The following AVEN variants were observed in gnomAD, a reference collection of about 807,000 sequenced individuals.
The protein encoded by AVEN is cell death regulator Aven.
AVEN carries 41 observed loss-of-function variants against 38.1 expected under a neutral mutation model. The observed-to-expected ratio is 1.08, with a 90% confidence interval of 0.84 to 1.40. AVEN has a LOEUF of 1.40. Ranked by LOEUF, AVEN falls within the 40% of genes most tolerant of loss-of-function variation. The pLI is 0.00. For missense variants in AVEN, 605 were observed against 438.8 expected, an observed-to-expected ratio of 1.38 and a Z score of -3.38; for synonymous variants, 206 against 171.8, an observed-to-expected ratio of 1.20 and a Z score of -1.56.
At position 33,986,102 on chromosome 15, in the gene AVEN, T is replaced by TC. The variant is rs761633178; in HGVS notation, c.445+16929_445+16930insG. 3.9e-3 allele frequency among the ~76,000 whole-genome samples: 11 copies of TC among 2,794 alleles called. No homozygotes were observed. In the East Asian group the frequency reaches 0.053, roughly 14 times the overall value. 1.8% of individuals were successfully genotyped at this position (2,794 alleles called of 152,430 possible). A position where few individuals can be genotyped will look rare whatever the true frequency, so the allele number is the denominator to read the frequency against. ...CACATTTCACTGTAAATTTTTTTTT[T>TC]TGTTTTTTGTTTTTTGTTTTTTGAG... On this transcript the variant is annotated intron_variant, in intron 2 of 5. Transcript: ENST00000306730.
chr15:33,860,599 T>G, intron 11 of AVEN: 1 of 1,581,934 alleles, frequency 6.3e-7, no homozygotes, highest in Non-Finnish European at 8.6e-7. Context: ...TTCCAGGTCT[T>G]ATTATTGATG....
intron 2 of AVEN, among the ~76,000 whole-genome samples, chr15:33,953,389 T>C (rs1257452902): frequency 6.6e-6 from 1 of 152,096 alleles, no homozygotes. Context: ...CTTCAAACTA[T>C]ACTACAAGGC....
At chr15:33,906,760 G>T (rs912155160) in intron 2 of AVEN, among the ~76,000 whole-genome samples, 2 of 151,988 alleles carry the variant, frequency 1.3e-5, no homozygotes, top group Admixed American at 1.3e-4. Context: ...TTGTTTAATG[G>T]GCATAGAATT....
chr15:34,007,149 A>T, intron 1 of AVEN: 2 of 593,700 alleles, frequency 3.4e-6, no homozygotes, highest in Non-Finnish European at 4.2e-6. Context: ...CCGAGCTATT[A>T]TCTTGTCCAA....
chr15:34,015,494 A>AT (rs1048577179), intron 1 of AVEN, among the ~76,000 whole-genome samples: 6 of 152,136 alleles, frequency 3.9e-5, no homozygotes, highest in African/African-American at 1.4e-4. Context: ...AAAATAAAAA[A>AT]AAATAAAAAA....
intron 1 of AVEN, among the ~76,000 whole-genome samples, chr15:34,019,788 T>C (rs552862149): frequency 7.9e-5 from 12 of 152,208 alleles, no homozygotes; most frequent in Non-Finnish European, 1.8e-4. Flanking sequence ...GGCTACACCA[T>C]CTAGGTTTAT....
At chr15:33,919,773 G>C (rs533216202) in intron 2 of AVEN, among the ~76,000 whole-genome samples, 15 of 152,220 alleles carry the variant, frequency 9.9e-5, no homozygotes, top group Admixed American at 5.2e-4. Context: ...CACATTCCAG[G>C]TATTTGGCCT....
chr15:33,899,768 G>A (rs922205098), intron 2 of AVEN, among the ~76,000 whole-genome samples: 1 of 151,764 alleles, frequency 6.6e-6, no homozygotes, highest in African/African-American at 2.4e-5. Context: ...ACCCGGCCAG[G>A]GAAAGCCTTT....
chr15:33,908,906 T>C (rs564763644), intron 2 of AVEN, among the ~76,000 whole-genome samples: 16 of 152,176 alleles, frequency 1.1e-4, no homozygotes, highest in African/African-American at 3.9e-4. Context: ...TGGGGTGGTC[T>C]AGAGCGACAA....
At chr15:33,961,541 A>C (rs8029738) in intron 2 of AVEN, among the ~76,000 whole-genome samples, 125,054 of 151,982 alleles carry the variant, frequency 0.82, 55,620 homozygotes, top group Non-Finnish European at 0.97. Flanking sequence ...GCACTGGGTG[A>C]GGTGGCTCAT....
intron 5 of AVEN, among the ~76,000 whole-genome samples, chr15:34,046,371 AG>A (rs1351594628): frequency 6.6e-6 from 1 of 151,696 alleles, no homozygotes; most frequent in Non-Finnish European, 1.5e-5. Flanking sequence ...GAAAAAGAGA[AG>A]GCAGAAAATC....
intron 2 of AVEN, chr15:33,885,572 T>A (rs906986669): frequency 1.3e-5 from 2 of 152,174 alleles, no homozygotes; most frequent in Non-Finnish European, 2.9e-5. Flanking sequence ...AGAATAATAA[T>A]AAAAATCTCT....
chr15:33,928,560 A>C (rs1242461110), intron 2 of AVEN, among the ~76,000 whole-genome samples: 1 of 152,202 alleles, frequency 6.6e-6, no homozygotes, highest in Non-Finnish European at 1.5e-5. Context: ...CAACAAGTAG[A>C]GTGCTCTCCA....
downstream of AVEN, chr15:33,864,784 C>T (rs1039830017): frequency 2.6e-5 from 6 of 228,088 alleles, no homozygotes; most frequent in East Asian, 3.9e-4. Flanking sequence ...ATTCAGCATG[C>T]AATAAACGTT....
At chr15:33,998,091 G>GACATCTAC (rs1192926130) in intron 2 of AVEN, among the ~76,000 whole-genome samples, 1 of 151,974 alleles carries the variant, frequency 6.6e-6, no homozygotes, top group African/African-American at 2.4e-5. Flanking sequence ...AAGCCTCCAT[G>GACATCTAC]ACATCTACCC....
At chr15:33,966,912 A>T (rs540995027) in intron 2 of AVEN, among the ~76,000 whole-genome samples, 1 of 152,242 alleles carries the variant, frequency 6.6e-6, no homozygotes, top group African/African-American at 2.4e-5. Flanking sequence ...CCTCATAAAC[A>T]CAATGGCCCC....
intron 2 of AVEN, among the ~76,000 whole-genome samples, chr15:33,987,240 T>A (rs189603847): frequency 2.0e-5 from 3 of 152,354 alleles, no homozygotes; most frequent in African/African-American, 7.2e-5. Flanking sequence ...GTATCCCATA[T>A]GTGCTTTATT....
Position 33,877,864 on chromosome 15 carries a change from G to C in AVEN, c.446-1869C>G, listed in dbSNP as rs1319304386. Among the ~76,000 whole-genome samples, 7 of 152,156 alleles carry C rather than the reference G, an allele frequency of 4.6e-5. No individual in the cohort carries two copies. The East Asian group carries it at 1.3e-3, about 29-fold the overall frequency. On this transcript the variant is annotated intron_variant, in intron 2 of 5. Coordinates refer to ENST00000306730, the MANE Select transcript of AVEN (RefSeq NM_020371.3). ...CTCAGGAGGCTGAGGCAGGAGAATTGCTTAAACCCGGGAGGCGGAGGTTGC... is the reference window on the plus strand; with the variant it reads ...CTCAGGAGGCTGAGGCAGGAGAATTCCTTAAACCCGGGAGGCGGAGGTTGC...
chr15:34,016,171 T>C (rs80087923), intron 1 of AVEN, among the ~76,000 whole-genome samples: 16,704 of 152,132 alleles, frequency 0.11, 1,119 homozygotes, highest in East Asian at 0.34. Flanking sequence ...AGCTACTCGG[T>C]TACAGTGAGC....
Sources: allele counts gnomAD v4.1 joint callset (sites outside exome capture counted in the v4.1 genomes callset), GRCh38; gene constraint gnomAD v4.1.1; transcripts MANE v1.5; gene names NCBI Gene and HGNC (gene_info 2026-07-23, HGNC 2026-07-21).